Variants in LRIG1 observed in about 807,000 individuals in gnomAD.
The protein encoded by LRIG1 is leucine-rich repeats and immunoglobulin-like domains protein 1.
Under a neutral mutation model 99.2 loss-of-function variants are expected in LRIG1, and 48 were observed. That is an observed-to-expected ratio of 0.48 (90% CI 0.38 to 0.62). The LOEUF (loss-of-function observed/expected upper bound fraction) is 0.62. Ranked by LOEUF, LRIG1 falls within the 20% of genes least tolerant of loss-of-function variation. The pLI is 0.00. For missense variants in LRIG1, 1,646 were observed against 1,434.4 expected, an observed-to-expected ratio of 1.15 and a Z score of -2.38; for synonymous variants, 772 against 596.1, an observed-to-expected ratio of 1.29 and a Z score of -4.30.
intron 3 of LRIG1, among the ~76,000 whole-genome samples, chr3:66,420,751 CAG>C (rs1702780549): frequency 6.6e-6 from 1 of 152,186 alleles, no homozygotes; most frequent in Non-Finnish European, 1.5e-5. Flanking sequence ...TCCACTGAAA[CAG>C]AAAGTAGAAT....
chr3:66,464,030 T>C (rs577677774), intron 1 of LRIG1, among the ~76,000 whole-genome samples: 6 of 152,254 alleles, frequency 3.9e-5, no homozygotes, highest in African/African-American at 1.4e-4. Flanking sequence ...TGCCTGGGGG[T>C]ATTTGTTAAT....
chr3:66,396,609 C>A (rs576367959), intron 11 of LRIG1, among the ~76,000 whole-genome samples: 39 of 152,210 alleles, frequency 2.6e-4, no homozygotes, highest in Non-Finnish European at 4.0e-4. Flanking sequence ...GAGGCTGAGC[C>A]TCCAGAACCA....
chr3:66,428,186 C>A (rs1301300433), intron 3 of LRIG1, among the ~76,000 whole-genome samples: 1 of 152,208 alleles, frequency 6.6e-6, no homozygotes, highest in Non-Finnish European at 1.5e-5. Context: ...CTACTCAGGT[C>A]ATTGAGCTTG....
chr3:66,489,524 TATGTG>T (rs1701052773), intron 1 of LRIG1, among the ~76,000 whole-genome samples: 1 of 27,580 alleles, frequency 3.6e-5, no homozygotes, highest in Non-Finnish European at 1.7e-4. Context: ...CCTTTGTGTG[TATGTG>T]TGTGTGTGTG....
At chr3:66,393,373 C>T (rs763968612) in intron 12 of LRIG1, among the ~76,000 whole-genome samples, 3 of 152,158 alleles carry the variant, frequency 2.0e-5, no homozygotes, top group Non-Finnish European at 2.9e-5. Context: ...ATTTTTTGAC[C>T]ATGTCTTCCT....
intron 1 of LRIG1, among the ~76,000 whole-genome samples, chr3:66,480,400 T>C (rs1700821650): frequency 1.3e-5 from 2 of 151,846 alleles, no homozygotes; most frequent in Middle Eastern, 3.2e-3. Context: ...ACGAATATAC[T>C]AAAAACCCAG....
intron 1 of LRIG1, among the ~76,000 whole-genome samples, chr3:66,486,288 C>A (rs774115061): frequency 2.0e-4 from 31 of 152,034 alleles, no homozygotes; most frequent in Non-Finnish European, 3.8e-4. Context: ...TACAATTATC[C>A]CCATTTTACA....
At chr3:66,410,019 C>A in intron 7 of LRIG1, 110 bp downstream of exon 7, 1 of 1,209,614 alleles carries the variant, frequency 8.3e-7, no homozygotes, top group Non-Finnish European at 1.2e-6. Context: ...ACTGGCCTGT[C>A]TCTGAGCCCT....
rs1265978489 is a variant in LRIG1, at chr3:66,477,652, CCT to C, written c.219-15145_219-15144del. ...ATCCTCAAAAAGGAGGGCCCAATCC[CCT>C]CTCGCCTCAAACCTTATCCTTTCCA... is the stretch of plus-strand genomic sequence containing the variant. On this transcript the variant is annotated intron_variant, in intron 1 of 18. Transcript: ENST00000273261. Among the ~76,000 whole-genome samples the C allele has an allele frequency of 1.2e-4, 18 of 152,272 alleles. No individual in the cohort carries two copies. The East Asian group carries it at 3.5e-3, about 29-fold the overall frequency.
intron 2 of LRIG1, among the ~76,000 whole-genome samples, chr3:66,459,580 C>CA (rs1023402917): frequency 2.3e-4 from 35 of 152,276 alleles, no homozygotes; most frequent in African/African-American, 7.5e-4. Context: ...ATTCTTCATA[C>CA]AAAAAATACT....
chr3:66,449,996 C>A (rs9942104), intron 3 of LRIG1, among the ~76,000 whole-genome samples: 26,247 of 152,208 alleles, frequency 0.17, 2,388 homozygotes, highest in Admixed American at 0.25. Flanking sequence ...CTTTAAGCAG[C>A]AAGGAGCTCC....
rs1253315268 is a variant in LRIG1 at position 66,379,164 on chromosome 3, A to T, written c.*1099T>A. ...TTTACTAAATGACACATTGGCACTC[A>T]TAAGATGGTTAGCTACCAGTCTCAA... On this transcript the variant is annotated 3_prime_UTR_variant, in exon 19 of 19. Coordinates refer to ENST00000273261, the MANE Select transcript of LRIG1 (RefSeq NM_015541.3). The T allele has an allele frequency of 6.5e-6, 1 of 152,672 alleles. No individual in the cohort carries two copies. The highest frequency in any genetic ancestry group is 2.4e-5 in the African/African-American group (1 of 41,462). The allele number at this position is 152,672 out of a possible 1,614,324, so 9.5% of individuals were successfully genotyped here.
At chr3:66,381,207 G>A (rs573185244) in intron 17 of LRIG1, among the ~76,000 whole-genome samples, 3 of 152,308 alleles carry the variant, frequency 2.0e-5, no homozygotes, top group Middle Eastern at 3.4e-3. Flanking sequence ...AGTGCTGACT[G>A]AAACTCTATA....
chr3:66,479,169 T>C (rs750422942), intron 1 of LRIG1, among the ~76,000 whole-genome samples: 4 of 152,236 alleles, frequency 2.6e-5, no homozygotes, highest in Non-Finnish European at 5.9e-5. Flanking sequence ...CACTTCTGTC[T>C]AATTTATAGC....
chr3:66,383,969 C>CACACAT (rs1357972564), intron 14 of LRIG1, 22 bp downstream of exon 14: 1 of 1,607,988 alleles, frequency 6.2e-7, no homozygotes, highest in African/African-American at 1.3e-5. Context: ...CACACACACA[C>CACACAT]ACAGTAGAGC....
At position 66,380,854 on chromosome 3, in the gene LRIG1, A is replaced by G; in HGVS notation, c.2778T>C (p.Gly926=). Residue 926 remains glycine, a synonymous_variant, in exon 18 of 19, where the codon GGT becomes GGC. Transcript: ENST00000273261. ...TGCAGTCACTGCATACGACCCGGCCACCGTGTTCTGAAGGACAGCGCCAAA... is the reference window on the plus strand; with the variant it reads ...TGCAGTCACTGCATACGACCCGGCCGCCGTGTTCTGAAGGACAGCGCCAAA... The part of the protein sequence containing the change: ...GTPGPHKMEH[G]GRVVCSDCNT... 1.2e-6 allele frequency: 2 copies of G among 1,613,698 alleles called. No individual in the cohort carries two copies. The highest frequency in any genetic ancestry group is 1.7e-6 in the Non-Finnish European group (2 of 1,179,662).
intron 3 of LRIG1, chr3:66,417,491 A>G: frequency 3.7e-6 from 2 of 534,058 alleles, no homozygotes; most frequent in Non-Finnish European, 6.7e-6. Flanking sequence ...TTCTATCCCT[A>G]GGCTTCCCTC....
intron 3 of LRIG1, among the ~76,000 whole-genome samples, chr3:66,447,827 T>C (rs763089904): frequency 9.2e-5 from 14 of 152,188 alleles, no homozygotes; most frequent in South Asian, 2.1e-4. Flanking sequence ...AGAAATGTCA[T>C]TGATGCATCA....
chr3:66,393,359 T>C (rs1284500883), intron 12 of LRIG1, among the ~76,000 whole-genome samples: 1 of 152,152 alleles, frequency 6.6e-6, no homozygotes, highest in Admixed American at 6.5e-5. Context: ...TCAAAATTCA[T>C]CTCATTTTTT....
Sources: gnomAD v4.1 joint callset for allele counts (sites outside exome capture counted in the v4.1 genomes callset) on GRCh38, gnomAD v4.1.1 for gene constraint, MANE v1.5 for transcripts, NCBI Gene and HGNC (gene_info 2026-07-23, HGNC 2026-07-21) for gene names.